The following C15orf40 variants were observed in gnomAD, a reference collection of about 807,000 sequenced individuals.
C15orf40 encodes chromosome 15 open reading frame 40.
Under a neutral mutation model 13.9 loss-of-function variants are expected in C15orf40, and 9 were observed. The ratio of observed to expected loss-of-function variants is 0.65; its 90% CI spans 0.39 to 1.13. C15orf40 has a LOEUF of 1.13. Ranked by LOEUF, C15orf40 falls within the 50% of genes most tolerant of loss-of-function variation. The pLI is 0.01. For synonymous variants in C15orf40, 95 were observed against 69.2 expected (o/e 1.37, Z -1.85); for missense variants, 225 against 188.5 (o/e 1.19, Z -1.13).
intron 2 of C15orf40, among the ~76,000 whole-genome samples, chr15:83,009,046 T>A (rs745480588): frequency 6.6e-6 from 1 of 152,096 alleles, no homozygotes; most frequent in African/African-American, 2.4e-5. Flanking sequence ...TGAAGAAGTG[T>A]ATGGACAGGG....
intron 3 of C15orf40, among the ~76,000 whole-genome samples, chr15:83,007,189 G>A (rs1481671613): frequency 1.3e-5 from 2 of 152,190 alleles, no homozygotes; most frequent in African/African-American, 4.8e-5. Context: ...CCATATTAAT[G>A]ACATCATATG....
In C15orf40 at chr15:82,994,891, T is replaced by C. The variant is rs1342390384; in HGVS notation, c.*10706A>G. 1.3e-5 allele frequency: 2 copies of C among 152,198 alleles called. No individual in the cohort carries two copies. The highest frequency in any genetic ancestry group is 4.8e-5 in the African/African-American group (2 of 41,458). 9.4% of individuals were successfully genotyped at this position (152,198 alleles called of 1,614,324 possible). On this transcript the variant is annotated 3_prime_UTR_variant, in exon 4 of 4. Transcript: ENST00000304177. Reference sequence around the variant, plus strand: ...TAAAACTCTCAAATTTTAAAATTGATTTAAGCCCAGTAGCAGAAAATACTC... The same window carrying C: ...TAAAACTCTCAAATTTTAAAATTGACTTAAGCCCAGTAGCAGAAAATACTC...
At chr15:83,009,530 G>A (rs568763480) in intron 2 of C15orf40, among the ~76,000 whole-genome samples, 1 of 152,282 alleles carries the variant, frequency 6.6e-6, no homozygotes, top group South Asian at 2.1e-4. Flanking sequence ...AGCTTTAGAG[G>A]TGAAAAAGAC....
At chr15:83,006,119 T>C (rs1020146658) in intron 3 of C15orf40, among the ~76,000 whole-genome samples, 2 of 151,636 alleles carry the variant, frequency 1.3e-5, no homozygotes, top group Admixed American at 1.3e-4. Context: ...TAATCCCAGC[T>C]ACTCAGGAGA....
At chr15:83,008,250 G>A in intron 3 of C15orf40, 1 of 285,602 alleles carries the variant, frequency 3.5e-6, no homozygotes, top group Admixed American at 4.9e-5. Flanking sequence ...CGGGCATGGT[G>A]GCTCATACCT....
downstream of C15orf40, among the ~76,000 whole-genome samples, chr15:82,993,258 G>A (rs1681844308): frequency 6.6e-6 from 1 of 152,130 alleles, no homozygotes; most frequent in South Asian, 2.1e-4. Flanking sequence ...ATCCCTAGTA[G>A]GACACAATAG....
In C15orf40 at chr15:83,000,337, G is replaced by C. The variant is rs1234994543; in HGVS notation, c.*5260C>G. 6.6e-6 allele frequency: 1 copy of C among 152,282 alleles called. No individual in the cohort carries two copies. Among genetic ancestry groups the C allele is most frequent in the South Asian group, 2.1e-4 (1 of 4,830 alleles). The allele number at this position is 152,282 out of a possible 1,614,324, so 9.4% of individuals were successfully genotyped here. ...GCTACGTGGATTTCTGAAACCTGCA[G>C]AGTTAAGGAAGGAACTCAAGACCAT... On this transcript the variant is annotated 3_prime_UTR_variant, in exon 4 of 4. Coordinates refer to ENST00000304177, the MANE Select transcript of C15orf40 (RefSeq NM_144597.3).
In C15orf40 at chr15:82,996,431, G is replaced by C. The variant is rs1017034907; in HGVS notation, c.*9166C>G. On this transcript the variant is annotated 3_prime_UTR_variant, in exon 4 of 4. Transcript: ENST00000304177. ...CGAGGCAGGCGGATCACGAGGTCAG[G>C]AGATCGAGACCATTCTGGCTAACAC... 1 of 151,720 alleles carries C rather than the reference G, an allele frequency of 6.6e-6. No individual in the cohort carries two copies. Among genetic ancestry groups the C allele is most frequent in the Non-Finnish European group, 1.5e-5 (1 of 67,970 alleles). The allele number at this position is 151,720 out of a possible 1,614,324, so 9.4% of individuals were successfully genotyped here.
chr15:83,008,256 T>C (rs1349556904), intron 3 of C15orf40: 9 of 301,100 alleles, frequency 3.0e-5, no homozygotes, highest in Admixed American at 4.7e-5. Flanking sequence ...TGGTGGCTCA[T>C]ACCTCTAATC....
Position 83,004,212 on chromosome 15 carries a change from G to C in C15orf40, c.*1385C>G, listed in dbSNP as rs1483776652. The C allele has an allele frequency of 1.8e-6, 1 of 548,264 alleles. No homozygotes were observed. Among genetic ancestry groups the C allele is most frequent in the African/African-American group, 2.0e-5 (1 of 48,806 alleles). The allele number at this position is 548,264 out of a possible 1,614,324, so 34.0% of individuals were successfully genotyped here. On this transcript the variant is annotated 3_prime_UTR_variant, in exon 4 of 4. Transcript: ENST00000304177. ...GCTGGTCTCAAACTCCTGGGCTCAA[G>C]TGTTCCTCCTGCCTCAACCTTCCAA...
Position 83,001,981 on chromosome 15 carries a change from C to T in C15orf40, c.*3616G>A, listed in dbSNP as rs948143744. 3.3e-5 allele frequency: 5 copies of T among 152,338 alleles called. No individual in the cohort carries two copies. Among genetic ancestry groups the T allele is most frequent in the African/African-American group, 1.2e-4 (5 of 41,448 alleles). 9.4% of individuals were successfully genotyped at this position (152,338 alleles called of 1,614,324 possible). Reference sequence around the variant, plus strand: ...GGAGTGCAGTGGTGTGATCCCGGCTCACTGCAGCTTCTGATTCCCGGGTTC... The same window carrying T: ...GGAGTGCAGTGGTGTGATCCCGGCTTACTGCAGCTTCTGATTCCCGGGTTC... On this transcript the variant is annotated 3_prime_UTR_variant, in exon 4 of 4. Transcript: ENST00000304177.
In C15orf40 at chr15:82,998,227, C is replaced by G. The variant is rs1330526067; in HGVS notation, c.*7370G>C. ...CTGGCCAGGCGGGGGGCTGACCCCC[C>G]CACCTCCCTCCCGGATGGGGTGGCT... On this transcript the variant is annotated 3_prime_UTR_variant, in exon 4 of 4. Coordinates refer to ENST00000304177, the MANE Select transcript of C15orf40 (RefSeq NM_144597.3). The G allele has an allele frequency of 6.5e-6, 1 of 154,106 alleles. No homozygotes were observed. The highest frequency in any genetic ancestry group is 2.0e-4 in the East Asian group (1 of 5,092). The allele number at this position is 154,106 out of a possible 1,614,324, so 9.5% of individuals were successfully genotyped here. A position where few individuals can be genotyped will look rare whatever the true frequency, so the allele number is the denominator to read the frequency against.
At chr15:82,989,035 A>G (rs747821997), downstream of C15orf40, 4 of 1,612,406 alleles carry the variant, frequency 2.5e-6, no homozygotes, top group South Asian at 4.4e-5. Context: ...GACACTGCCG[A>G]AGCTGTTCCA....
chr15:83,010,164 C>A (rs1203359000), intron 2 of C15orf40, 73 bp downstream of exon 2: 1 of 1,577,916 alleles, frequency 6.3e-7, no homozygotes, highest in Non-Finnish European at 8.6e-7. Context: ...AAGCTTTCAG[C>A]TAACCAAAGC....
intron 3 of C15orf40, among the ~76,000 whole-genome samples, chr15:83,006,105 C>T (rs893197342): frequency 6.6e-6 from 1 of 151,958 alleles, no homozygotes; most frequent in Non-Finnish European, 1.5e-5. Context: ...GTGGCATGTG[C>T]CTGTAATCCC....
chr15:83,005,580 G>C lies in C15orf40; in HGVS notation c.*17C>G, dbSNP rs370233890. On this transcript the variant is annotated 3_prime_UTR_variant, in exon 4 of 4. Transcript: ENST00000304177. ...ATTACAGGCATGAGCCACTGCGCCC[G>C]GCCTCATTTCTTGCTTTTATGTTTT... is the stretch of plus-strand genomic sequence containing the variant. 50 of 1,594,838 alleles carry C rather than the reference G, an allele frequency of 3.1e-5. No individual in the cohort carries two copies. The highest frequency in any genetic ancestry group is 4.3e-5 in the Non-Finnish European group (50 of 1,170,636).
downstream of C15orf40, chr15:82,992,074 G>C: frequency 2.3e-6 from 1 of 442,624 alleles, no homozygotes; most frequent in Non-Finnish European, 4.3e-6. Context: ...AAATTAGCTG[G>C]GTGTGGTGGT....
downstream of C15orf40, among the ~76,000 whole-genome samples, chr15:82,992,867 C>T (rs1414551311): frequency 6.6e-6 from 1 of 152,008 alleles, no homozygotes; most frequent in Non-Finnish European, 1.5e-5. Context: ...TGTTTTTTAA[C>T]AGCAGTTACT....
At chr15:82,993,631 G>A (rs1214194172), downstream of C15orf40, among the ~76,000 whole-genome samples, 1 of 152,040 alleles carries the variant, frequency 6.6e-6, no homozygotes, top group Non-Finnish European at 1.5e-5. Context: ...AGCCAACATG[G>A]CAAAAACCCC....
Sources: allele counts gnomAD v4.1 joint callset (sites outside exome capture counted in the v4.1 genomes callset), GRCh38; gene constraint gnomAD v4.1.1; transcripts MANE v1.5; gene names NCBI Gene and HGNC (gene_info 2026-07-23, HGNC 2026-07-21).